GATAD1: variants seen among roughly 807,000 people sequenced by gnomAD.
GATAD1 encodes the protein GATA zinc finger domain containing 1.
Under a neutral mutation model 26.5 loss-of-function variants are expected in GATAD1, and 12 were observed. That is an observed-to-expected ratio of 0.45 (90% confidence interval 0.29 to 0.73). GATAD1 has a LOEUF of 0.73. Ranked by LOEUF, GATAD1 falls within the 30% of genes least tolerant of loss-of-function variation. The probability of loss-of-function intolerance (pLI) is 0.10; values close to 1 mark genes in which losing one functional copy is unlikely to be tolerated. For missense variants in GATAD1, 266 were observed against 342.1 expected, an observed-to-expected ratio of 0.78 and a Z score of 1.75; for synonymous variants, 129 against 133.1, an observed-to-expected ratio of 0.97 and a Z score of 0.21.
chr7:92,489,906 T>G, the GATAD1 span: 1 of 1,612,908 alleles, frequency 6.2e-7, no homozygotes, highest in South Asian at 1.1e-5. Context: ...AGAGACATTG[T>G]GAGCTCTGCA....
At position 92,458,562 on chromosome 7, in the gene GATAD1, GCCT is replaced by G. The variant is rs2115896792; in HGVS notation, c.*2005_*2007del. 1 of 152,314 alleles carries G rather than the reference GCCT, an allele frequency of 6.6e-6. No homozygotes were observed. Among genetic ancestry groups the G allele is most frequent in the South Asian group, 2.1e-4 (1 of 4,820 alleles). The allele number at this position is 152,314 out of a possible 1,614,324, so 9.4% of individuals were successfully genotyped here. ...GGAGAGGAGTGGGGTGTACTCACTT[GCCT>G]CCTCTTTTGTCCTGATTTAACCAGC... On this transcript the variant is annotated 3_prime_UTR_variant, in exon 5 of 5. Coordinates refer to ENST00000287957, the MANE Select transcript of GATAD1 (RefSeq NM_021167.5).
the GATAD1 span, chr7:92,469,580 T>C: frequency 3.9e-6 from 3 of 764,754 alleles, no homozygotes; most frequent in Non-Finnish European, 7.2e-6. Flanking sequence ...ACAAAAAATA[T>C]TCCTGAGGGT....
intron 2 of GATAD1, chr7:92,449,664 G>C: frequency 2.2e-6 from 2 of 924,372 alleles, no homozygotes; most frequent in Non-Finnish European, 2.6e-6. Context: ...GCAGATGGCA[G>C]ACTATTTTCT....
the GATAD1 span, chr7:92,489,980 AAT>A: frequency 8.5e-7 from 1 of 1,181,516 alleles, no homozygotes; most frequent in Admixed American, 1.9e-5. Context: ...GTGTTTACCA[AAT>A]ATAAAAATTA....
At chr7:92,470,423 T>G in the GATAD1 span, 1 of 649,730 alleles carries the variant, frequency 1.5e-6, no homozygotes, top group Non-Finnish European at 2.8e-6. Flanking sequence ...GGTTGTTGTT[T>G]GAAGAGCAGG....
At chr7:92,472,533 G>C in the GATAD1 span, 2 of 152,202 alleles carry the variant, frequency 1.3e-5, no homozygotes, top group African/African-American at 2.4e-5. Flanking sequence ...GTCTTGCCCT[G>C]TTGGCAAACT....
chr7:92,450,790 A>T (rs1789396886), intron 3 of GATAD1, 30 bp downstream of exon 3: 1 of 1,357,010 alleles, frequency 7.4e-7, no homozygotes, highest in Admixed American at 1.7e-5. Context: ...CTGAAGGAAG[A>T]GTTGGGCCTA....
At chr7:92,469,844 C>G in the GATAD1 span, 1 of 773,044 alleles carries the variant, frequency 1.3e-6, no homozygotes. Context: ...GGGTTTTGGG[C>G]CGAGACCTCA....
chr7:92,448,904 T>TA (rs1417671643), intron 2 of GATAD1, 27 bp downstream of exon 2: 1 of 1,599,650 alleles, frequency 6.3e-7, no homozygotes, highest in Non-Finnish European at 8.6e-7. Context: ...CAGTGCCTTT[T>TA]ACTGTAATGA....
the GATAD1 span, among the ~76,000 whole-genome samples, chr7:92,478,668 A>G: frequency 2.5e-3 from 380 of 152,312 alleles, 2 homozygotes; most frequent in Non-Finnish European, 3.3e-3. Flanking sequence ...GAAAGAGTAA[A>G]GGTTTTTGGA....
chr7:92,493,182 T>A, the GATAD1 span: 1 of 996,056 alleles, frequency 1.0e-6, no homozygotes, highest in Non-Finnish European at 1.5e-6. Flanking sequence ...AAAAATATTA[T>A]CTTAAATTGT....
the GATAD1 span, chr7:92,493,158 TAAAA>T: frequency 8.9e-5 from 111 of 1,249,310 alleles, 1 homozygote; most frequent in East Asian, 2.1e-3. Context: ...ATTTAACAAA[TAAAA>T]AATAAAATTA....
the GATAD1 span, among the ~76,000 whole-genome samples, chr7:92,478,268 C>G: frequency 1.3e-5 from 2 of 152,314 alleles, no homozygotes; most frequent in South Asian, 4.1e-4. Context: ...GGACTTCTGT[C>G]TATGTTCACT....
chr7:92,456,450 G>C lies in GATAD1; in HGVS notation c.698G>C (p.Arg233Pro). 1 of 1,611,976 alleles carries C rather than the reference G, an allele frequency of 6.2e-7. No homozygotes were observed. The highest frequency in any genetic ancestry group is 1.7e-4 in the Middle Eastern group (1 of 6,060). Reference sequence around the variant, plus strand: ...GCACCTTCTGAGTATTTCAAGTCACGGTCATCACCATTTCCCACAGTTCCC... The same window carrying C: ...GCACCTTCTGAGTATTTCAAGTCACCGTCATCACCATTTCCCACAGTTCCC... ...CHAPSEYFKSRSSPFPTVPTR... is the reference protein window; with the variant it reads ...CHAPSEYFKSPSSPFPTVPTR... The change falls in exon 5 of 5, where the codon CGG becomes CCG. Residue 233 changes from arginine (R) to proline (P), a missense_variant. Physicochemically the swap from Arg to Pro is moderately radical, Grantham distance 103. Transcript: ENST00000287957.
chr7:92,462,973 G>C (rs1425621030), downstream of GATAD1: 1 of 152,228 alleles, frequency 6.6e-6, no homozygotes, highest in African/African-American at 2.4e-5. Flanking sequence ...CAAGCTGACA[G>C]AGATAGAAAC....
At chr7:92,449,344 T>C in intron 2 of GATAD1, 1 of 917,664 alleles carries the variant, frequency 1.1e-6, no homozygotes, top group Non-Finnish European at 1.3e-6. Flanking sequence ...ATGATGATGA[T>C]GTATTTGATG....
the GATAD1 span, chr7:92,487,508 T>C: frequency 2.6e-5 from 41 of 1,592,620 alleles, no homozygotes; most frequent in Non-Finnish European, 3.3e-5. Flanking sequence ...CACTTTGATT[T>C]TTTCTCCTCT....
At chr7:92,490,022 G>T in the GATAD1 span, 1 of 856,566 alleles carries the variant, frequency 1.2e-6, no homozygotes, top group East Asian at 2.6e-5. Flanking sequence ...CATTAACATA[G>T]ATAAGTATAC....
At chr7:92,484,371 G>A in the GATAD1 span, among the ~76,000 whole-genome samples, 24 of 152,012 alleles carry the variant, frequency 1.6e-4, no homozygotes, top group Admixed American at 3.9e-4. Context: ...CAAAGCAGGC[G>A]TCCCCTGCTT....
Sources: allele counts gnomAD v4.1 joint callset (sites outside exome capture counted in the v4.1 genomes callset), GRCh38; gene constraint gnomAD v4.1.1; transcripts MANE v1.5; gene names NCBI Gene and HGNC (gene_info 2026-07-23, HGNC 2026-07-21).